The following DCDC1 variants were observed in gnomAD, a reference collection of about 807,000 sequenced individuals.
DCDC1 encodes doublecortin domain-containing protein 1.
In DCDC1, 200 loss-of-function variants were observed where a neutral mutation model predicts 178.3. The observed-to-expected ratio is 1.12, with a 90% CI of 1.00 to 1.26. The LOEUF (loss-of-function observed/expected upper bound fraction) is 1.26. Among genes scored for constraint, DCDC1 ranks in the 50% most tolerant of loss-of-function variants. The pLI, the probability that DCDC1 is intolerant of heterozygous loss-of-function variation, is 0.00. For synonymous variants in DCDC1, 690 were observed against 604.8 expected (o/e 1.14, Z -2.07); for missense variants, 1,983 against 1,749.2 (o/e 1.13, Z -2.38).
At chr11:31,100,155 A>G (rs1242429068) in intron 15 of DCDC1, among the ~76,000 whole-genome samples, 1 of 152,210 alleles carries the variant, frequency 6.6e-6, no homozygotes. Context: ...GGGCATAACA[A>G]CAGAAATCAT....
chr11:31,159,957 A>G (rs866103143), intron 9 of DCDC1, among the ~76,000 whole-genome samples: 1 of 152,186 alleles, frequency 6.6e-6, no homozygotes, highest in African/African-American at 2.4e-5. Context: ...ATGAAATTTT[A>G]TTTCCATTAA....
chr11:31,208,184 C>A (rs1400075263), intron 9 of DCDC1, among the ~76,000 whole-genome samples: 1 of 152,120 alleles, frequency 6.6e-6, no homozygotes, highest in African/African-American at 2.4e-5. Context: ...GATCTCATTT[C>A]TGTCTGTTCA....
chr11:31,288,515 C>T (rs968554024), intron 7 of DCDC1, among the ~76,000 whole-genome samples: 8 of 151,784 alleles, frequency 5.3e-5, no homozygotes, highest in African/African-American at 1.9e-4. Flanking sequence ...AGTCATTTCC[C>T]CTTGGCTCTA....
At chr11:31,172,695 T>C (rs1189488328) in intron 9 of DCDC1, among the ~76,000 whole-genome samples, 1 of 152,140 alleles carries the variant, frequency 6.6e-6, no homozygotes, top group Non-Finnish European at 1.5e-5. Context: ...GAAAATTATA[T>C]TAAGAAAATC....
intron 20 of DCDC1, among the ~76,000 whole-genome samples, chr11:30,994,179 T>TA (rs1951127264): frequency 6.6e-6 from 1 of 152,174 alleles, no homozygotes; most frequent in Non-Finnish European, 1.5e-5. Context: ...ATACCATACT[T>TA]ACCATAGACT....
chr11:31,112,435 T>C (rs1028231686), intron 11 of DCDC1, among the ~76,000 whole-genome samples: 2 of 152,208 alleles, frequency 1.3e-5, no homozygotes, highest in African/African-American at 4.8e-5. Flanking sequence ...ATTTTCTTCC[T>C]GCCCAATTCT....
chr11:31,057,545 C>A (rs1016391300), intron 20 of DCDC1, among the ~76,000 whole-genome samples: 16 of 151,992 alleles, frequency 1.1e-4, no homozygotes, highest in African/African-American at 3.6e-4. Flanking sequence ...TAAAGCCATG[C>A]TTCGAAGTAA....
intron 9 of DCDC1, among the ~76,000 whole-genome samples, chr11:31,190,927 CA>C (rs1970062205): frequency 6.6e-6 from 1 of 152,022 alleles, no homozygotes; most frequent in South Asian, 2.1e-4. Flanking sequence ...CCTTCGTATT[CA>C]TGGGGATTAG....
At position 30,945,734 on chromosome 11, in the gene DCDC1, ATCTATCTATCTATCTG is replaced by A. The variant is rs756029123; in HGVS notation, c.2715+6695_2715+6710del. Reference sequence around the variant, plus strand: ...TATCTATCTATCTATCTATCTATCTATCTATCTATCTATCTGTCTGTCTGTCTATCTATCTATAGAT... The same window carrying A: ...TATCTATCTATCTATCTATCTATCTATCTGTCTGTCTATCTATCTATAGAT... On this transcript the variant is annotated intron_variant, in intron 21 of 38. Transcript: ENST00000684477. Among the ~76,000 whole-genome samples, 454 of 145,478 alleles carry A rather than the reference ATCTATCTATCTATCTG, an allele frequency of 3.1e-3. 1 individual carries two copies. Among genetic ancestry groups the A allele is most frequent in the African/African-American group, 8.4e-3 (305 of 36,500 alleles).
At chr11:31,202,013 A>T (rs188327991) in intron 9 of DCDC1, among the ~76,000 whole-genome samples, 171 of 152,274 alleles carry the variant, frequency 1.1e-3, no homozygotes, top group African/African-American at 3.9e-3. Flanking sequence ...TAGATTTCCA[A>T]TTTGCTTCAG....
At chr11:31,337,689 T>C (rs1287131447) in intron 1 of DCDC1, among the ~76,000 whole-genome samples, 1 of 130,526 alleles carries the variant, frequency 7.7e-6, no homozygotes, top group Admixed American at 7.8e-5. Flanking sequence ...TCAATCAAAC[T>C]AGCCTAGCTG....
chr11:31,122,740 T>A (rs907301713), intron 11 of DCDC1, among the ~76,000 whole-genome samples: 1 of 152,100 alleles, frequency 6.6e-6, no homozygotes, highest in Non-Finnish European at 1.5e-5. Context: ...AGAAGACATA[T>A]GTAGGACCGC....
At chr11:31,217,810 T>C (rs961983772) in intron 9 of DCDC1, among the ~76,000 whole-genome samples, 1 of 152,138 alleles carries the variant, frequency 6.6e-6, no homozygotes, top group Non-Finnish European at 1.5e-5. Context: ...GTCACTAAAG[T>C]AATATCTCTT....
chr11:31,137,226 A>G (rs11031297), intron 10 of DCDC1, among the ~76,000 whole-genome samples: 40,062 of 152,036 alleles, frequency 0.26, 5,434 homozygotes, highest in African/African-American at 0.32. Context: ...TGCTGTCTAT[A>G]TCAATAAAAT....
chr11:30,905,416 GT>G (rs1031569454), intron 30 of DCDC1, among the ~76,000 whole-genome samples: 4 of 152,106 alleles, frequency 2.6e-5, no homozygotes, highest in Non-Finnish European at 5.9e-5. Context: ...GCATTCTCTT[GT>G]TTTTGTTTGT....
intron 20 of DCDC1, among the ~76,000 whole-genome samples, chr11:31,056,014 A>C (rs1393298640): frequency 6.6e-6 from 1 of 152,194 alleles, no homozygotes; most frequent in Non-Finnish European, 1.5e-5. Flanking sequence ...TTTTAAAAGA[A>C]TTTAAAAATA....
At chr11:31,010,607 T>G (rs972666323) in intron 20 of DCDC1, among the ~76,000 whole-genome samples, 1 of 152,180 alleles carries the variant, frequency 6.6e-6, no homozygotes, top group Non-Finnish European at 1.5e-5. Flanking sequence ...ACAGGATTTG[T>G]TCACACTGAA....
At chr11:30,996,557 G>T (rs1393542001) in intron 20 of DCDC1, among the ~76,000 whole-genome samples, 1 of 152,218 alleles carries the variant, frequency 6.6e-6, no homozygotes, top group Non-Finnish European at 1.5e-5. Flanking sequence ...TTATAAAAGG[G>T]CGTGACAAAG....
At chr11:31,232,383 T>TA (rs1488770759) in intron 9 of DCDC1, among the ~76,000 whole-genome samples, 1 of 152,152 alleles carries the variant, frequency 6.6e-6, no homozygotes. Flanking sequence ...CTGTGAACTT[T>TA]AAAAAAATAT....
Sources: allele counts gnomAD v4.1 joint callset (sites outside exome capture counted in the v4.1 genomes callset), GRCh38; gene constraint gnomAD v4.1.1; transcripts MANE v1.5; gene names NCBI Gene and HGNC (gene_info 2026-07-23, HGNC 2026-07-21).